The following KCNN2 variants were observed in gnomAD, a reference collection of about 807,000 sequenced individuals.
KCNN2 encodes the protein small conductance calcium-activated potassium channel protein 2.
KCNN2 carries 24 observed loss-of-function variants against 55.5 expected under a neutral mutation model. The ratio of observed to expected loss-of-function variants is 0.43; its 90% confidence interval spans 0.31 to 0.61. The LOEUF (loss-of-function observed/expected upper bound fraction) is 0.61, where lower values mean the gene tolerates loss of function less well. Ranked by LOEUF, KCNN2 falls within the 20% of genes least tolerant of loss-of-function variation. The pLI is 0.08. For missense variants in KCNN2, 754 were observed against 853.6 expected (o/e 0.88, Z 1.45); for synonymous variants, 431 against 336.1 (o/e 1.28, Z -3.09).
Position 114,074,293 on chromosome 5 carries a change from CGTGTGTGTGTGTGTGTGT to C in KCNN2, c.-271+17813_-271+17830del, listed in dbSNP as rs371882287. On this transcript the variant is annotated intron_variant, in intron 1 of 10. Coordinates refer to the KCNN2 transcript ENST00000512097. Reference sequence around the variant, plus strand: ...TTATGAATTTTAAAGGCCATGTTTGCGTGTGTGTGTGTGTGTGTGTGTGTGTGTGTGTGTGTGCGCGCG... The same window carrying C: ...TTATGAATTTTAAAGGCCATGTTTGCGTGTGTGTGTGTGTGTGTGCGCGCG... Among the ~76,000 whole-genome samples the C allele has an allele frequency of 6.7e-3, 969 of 144,600 alleles. 14 individuals carry two copies. Among genetic ancestry groups the C allele is most frequent in the African/African-American group, 0.024 (903 of 38,308 alleles). The allele number at this position is 144,600 out of a possible 152,430, so 94.9% of individuals were successfully genotyped here. A position where few individuals can be genotyped will look rare whatever the true frequency, so the allele number is the denominator to read the frequency against.
chr5:114,333,127 AG>A lies in KCNN2; in HGVS notation c.-184-27817del, dbSNP rs1756855828. On this transcript the variant is annotated intron_variant, in intron 2 of 10. Transcript: ENST00000512097. ...AGTCAGAAAGAATAAATGTTGATAT[AG>A]AGCACATGAAAGAAGTGAAATAATT... Among the ~76,000 whole-genome samples the A allele has an allele frequency of 2.0e-5, 3 of 152,248 alleles. No individual in the cohort carries two copies. The South Asian group carries it at 6.2e-4, about 31-fold the overall frequency.
At chr5:114,289,290 T>C (rs1157404866) in intron 2 of KCNN2, among the ~76,000 whole-genome samples, 2 of 152,136 alleles carry the variant, frequency 1.3e-5, no homozygotes, top group African/African-American at 2.4e-5. Flanking sequence ...CCAATTTTGT[T>C]CTTTTTCAAG....
At chr5:114,150,409 C>G (rs1174787238) in intron 1 of KCNN2, among the ~76,000 whole-genome samples, 1 of 152,190 alleles carries the variant, frequency 6.6e-6, no homozygotes, top group South Asian at 2.1e-4. Context: ...CACTTCCATT[C>G]TTTTGCCTAT....
chr5:114,331,316 G>T (rs1175902046), intron 2 of KCNN2, among the ~76,000 whole-genome samples: 3 of 152,178 alleles, frequency 2.0e-5, no homozygotes, highest in African/African-American at 4.8e-5. Context: ...CGGTGGCCAC[G>T]GGAAGGGGTT....
intron 4 of KCNN2, among the ~76,000 whole-genome samples, chr5:114,469,938 G>A (rs969727487): frequency 2.6e-5 from 4 of 152,140 alleles, no homozygotes; most frequent in Non-Finnish European, 1.5e-5. Flanking sequence ...GAACAAAAAG[G>A]TTTCTAAGTG....
intron 2 of KCNN2, among the ~76,000 whole-genome samples, chr5:114,228,989 A>G (rs1754301915): frequency 6.6e-6 from 1 of 152,052 alleles, no homozygotes; most frequent in South Asian, 2.1e-4. Flanking sequence ...TAACAGTAAA[A>G]TAGTTCAAAG....
At chr5:114,300,548 T>G (rs1000848511) in intron 2 of KCNN2, among the ~76,000 whole-genome samples, 1 of 152,210 alleles carries the variant, frequency 6.6e-6, no homozygotes, top group African/African-American at 2.4e-5. Flanking sequence ...CAGATATGAT[T>G]CATAAATGTA....
At position 114,368,270 on chromosome 5, in the gene KCNN2, A is replaced by G. The variant is rs554450282; in HGVS notation, c.1218+4269A>G. Among the ~76,000 whole-genome samples, 43 of 152,324 alleles carry G rather than the reference A, an allele frequency of 2.8e-4. No homozygotes were observed. The South Asian group carries it at 8.1e-3, about 29-fold the overall frequency. On this transcript the variant is annotated intron_variant, in intron 2 of 7. Transcript: ENST00000673685. ...GTTACCAAGGGACAACTGTAATTAT[A>G]TAATAAATAGCATTAGGAGAAGCAA... is the stretch of plus-strand genomic sequence containing the variant.
At chr5:114,121,614 C>G (rs972263549) in intron 1 of KCNN2, among the ~76,000 whole-genome samples, 1 of 152,168 alleles carries the variant, frequency 6.6e-6, no homozygotes, top group Non-Finnish European at 1.5e-5. Context: ...TTGCCCCATC[C>G]TCTCCATACT....
chr5:114,158,486 G>T (rs1353692908), intron 1 of KCNN2, among the ~76,000 whole-genome samples: 1 of 152,022 alleles, frequency 6.6e-6, no homozygotes, highest in Non-Finnish European at 1.5e-5. Flanking sequence ...GGCAATGCAG[G>T]CTCTTTTTTG....
At chr5:114,293,540 G>A (rs186915045) in intron 2 of KCNN2, among the ~76,000 whole-genome samples, 18 of 152,296 alleles carry the variant, frequency 1.2e-4, no homozygotes, top group African/African-American at 2.2e-4. Context: ...CAGGGATGAC[G>A]CCCACTTGAT....
intron 2 of KCNN2, among the ~76,000 whole-genome samples, chr5:114,245,844 C>T (rs1223904904): frequency 1.3e-5 from 2 of 152,182 alleles, no homozygotes; most frequent in Non-Finnish European, 2.9e-5. Context: ...ATCTTATGTG[C>T]TAAGCCACTG....
At chr5:114,354,930 C>T (rs1757271468) in intron 2 of KCNN2, among the ~76,000 whole-genome samples, 2 of 152,086 alleles carry the variant, frequency 1.3e-5, no homozygotes, top group Non-Finnish European at 2.9e-5. Flanking sequence ...GACAAAACAG[C>T]AGTAATCCAG....
intron 1 of KCNN2, among the ~76,000 whole-genome samples, chr5:114,065,223 G>A (rs1192655980): frequency 6.6e-6 from 1 of 152,156 alleles, no homozygotes; most frequent in Non-Finnish European, 1.5e-5. Flanking sequence ...GACAAAAGAG[G>A]AACTTAGCTT....
At chr5:114,246,418 A>G (rs1275074697) in intron 2 of KCNN2, among the ~76,000 whole-genome samples, 1 of 152,180 alleles carries the variant, frequency 6.6e-6, no homozygotes, top group Non-Finnish European at 1.5e-5. Context: ...GTCATTTTTC[A>G]TGGTTATGAA....
intron 4 of KCNN2, among the ~76,000 whole-genome samples, chr5:114,466,648 T>C (rs1761467028): frequency 6.6e-6 from 1 of 152,140 alleles, no homozygotes; most frequent in Non-Finnish European, 1.5e-5. Context: ...TTCTGTAAAA[T>C]TACAGTGACT....
At chr5:114,196,229 G>T (rs1753555622) in intron 1 of KCNN2, among the ~76,000 whole-genome samples, 1 of 151,884 alleles carries the variant, frequency 6.6e-6, no homozygotes, top group South Asian at 2.1e-4. Context: ...TGGAAATGGT[G>T]TATACTGGTT....
chr5:114,142,835 T>A (rs1438104309), intron 1 of KCNN2, among the ~76,000 whole-genome samples: 1 of 152,156 alleles, frequency 6.6e-6, no homozygotes, highest in Non-Finnish European at 1.5e-5. Context: ...AAGCTACCAA[T>A]GACTTTCTTC....
intron 1 of KCNN2, among the ~76,000 whole-genome samples, chr5:114,150,589 C>T (rs1752501202): frequency 1.3e-5 from 2 of 152,162 alleles, no homozygotes; most frequent in Admixed American, 1.3e-4. Flanking sequence ...GCCAGGGGTC[C>T]TATATCTGGC....
Sources: allele counts gnomAD v4.1 joint callset (sites outside exome capture counted in the v4.1 genomes callset), GRCh38; gene constraint gnomAD v4.1.1; transcripts MANE v1.5; gene names NCBI Gene and HGNC (gene_info 2026-07-23, HGNC 2026-07-21).